ALDH9A1: variants seen among roughly 807,000 people sequenced by gnomAD.
ALDH9A1 encodes 4-trimethylaminobutyraldehyde dehydrogenase.
ALDH9A1 carries 42 observed loss-of-function variants against 56.6 expected under a neutral mutation model. That is an observed-to-expected ratio of 0.74 (90% CI 0.58 to 0.96). The LOEUF is 0.96. ALDH9A1 is among the 40% of genes least tolerant of loss of function. The probability of loss-of-function intolerance (pLI) is 0.00; values close to 1 mark genes in which losing one functional copy is unlikely to be tolerated. For synonymous variants in ALDH9A1, 242 were observed against 236.0 expected, an observed-to-expected ratio of 1.03 and a Z score of -0.23; for missense variants, 661 against 651.5, an observed-to-expected ratio of 1.01 and a Z score of -0.16.
chr1:165,687,688 T>C (rs775012279), intron 2 of ALDH9A1, among the ~76,000 whole-genome samples: 3 of 152,118 alleles, frequency 2.0e-5, no homozygotes, highest in Non-Finnish European at 2.9e-5. Context: ...AGACCTGCAC[T>C]ATAAGAAATG....
rs534472156 is a variant in ALDH9A1 at position 165,682,059 on chromosome 1, G to A, written c.592+48C>T. On this transcript the variant is annotated intron_variant, in intron 4 of 10. Coordinates refer to ENST00000354775, the MANE Select transcript of ALDH9A1 (RefSeq NM_000696.4). ...GGTAGAGAATGGGGAGAGAACGAACGAGAGAATGAACGAATGGCTCTCAAA... is the reference window on the plus strand; with the variant it reads ...GGTAGAGAATGGGGAGAGAACGAACAAGAGAATGAACGAATGGCTCTCAAA... The A allele has an allele frequency of 3.4e-4, 541 of 1,606,356 alleles. 5 individuals carry two copies. The South Asian group carries it at 5.2e-3, about 16-fold the overall frequency.
intron 10 of ALDH9A1, among the ~76,000 whole-genome samples, chr1:165,663,895 G>A (rs888118016): frequency 6.6e-6 from 1 of 152,226 alleles, no homozygotes; most frequent in Non-Finnish European, 1.5e-5. Flanking sequence ...GCCAGGTGTT[G>A]CTCTGCACGT....
chr1:165,668,864 T>C (rs1280699769), intron 8 of ALDH9A1, 62 bp downstream of exon 8: 1 of 1,268,624 alleles, frequency 7.9e-7, no homozygotes, highest in Non-Finnish European at 1.1e-6. Flanking sequence ...TTATAAATAT[T>C]CATCTCTATC....
chr1:165,698,455 G>A lies in ALDH9A1; in HGVS notation c.104C>T (p.Pro35Leu), dbSNP rs777696142. The change falls in exon 1 of 11, where the codon CCG (proline) becomes CTG (leucine). Residue 35 changes from proline (P) to leucine (L), a missense_variant. Pro to Leu is a moderately conservative substitution (Grantham distance 98). Transcript: ENST00000354775. ...GCGGGCCCCGCCGCGGTAATTGAGC[G>A]GCTGCGACACGACGAAGGTGCCAGT... The part of the protein sequence containing the change: ...MSTGTFVVSQ[P>L]LNYRGGARVE... The A allele has an allele frequency of 9.3e-6, 15 of 1,606,840 alleles. No homozygotes were observed. The South Asian group carries it at 1.4e-4, about 15-fold the overall frequency.
intron 10 of ALDH9A1, among the ~76,000 whole-genome samples, chr1:165,664,118 G>A (rs993557721): frequency 7.2e-5 from 11 of 152,032 alleles, no homozygotes; most frequent in African/African-American, 2.2e-4. Flanking sequence ...CTGTGTGTAC[G>A]ACTCCTCTGA....
chr1:165,687,920 G>A (rs1006735717), intron 2 of ALDH9A1, among the ~76,000 whole-genome samples: 13 of 151,830 alleles, frequency 8.6e-5, no homozygotes, highest in South Asian at 4.2e-4. Flanking sequence ...CCCGGGAGGC[G>A]GAGGTTGCAG....
Position 165,695,273 on chromosome 1 carries a change from C to T in ALDH9A1, c.306G>A (p.Leu102=). 6.2e-7 allele frequency: 1 copy of T among 1,610,224 alleles called. No individual in the cohort carries two copies. The highest frequency in any genetic ancestry group is 1.1e-5 in the South Asian group (1 of 90,390). The part of the protein sequence containing the change: ...KSGMERCRIL[L]EAARIIRERE... ...ATACCCTTATTATCCTGGCAGCCTC[C>T]AAAAGGATTCGGCAACGCTCCATGC... The change falls in exon 2 of 11, where the codon TTG becomes TTA. Residue 102 remains leucine, a synonymous_variant. Transcript: ENST00000354775.
intron 2 of ALDH9A1, among the ~76,000 whole-genome samples, chr1:165,687,818 T>C (rs1255501591): frequency 1.3e-5 from 2 of 151,772 alleles, no homozygotes; most frequent in East Asian, 3.9e-4. Context: ...TGAAACCCCA[T>C]CTCTACTAAA....
intron 2 of ALDH9A1, among the ~76,000 whole-genome samples, chr1:165,692,611 A>T (rs1219972889): frequency 1.3e-5 from 2 of 152,236 alleles, no homozygotes; most frequent in African/African-American, 4.8e-5. Context: ...GATAGGAAGA[A>T]TCAATATCGC....
Position 165,695,487 on chromosome 1 carries a change from C to CTTTTT in ALDH9A1, c.182-95_182-91dup, listed in dbSNP as rs34894576. ...CTATCAATATTCTCTTAGTAGTAGT[C>CTTTTT]TTTTTTTTTTTTTTTTTTTTTTTCT... On this transcript the variant is annotated intron_variant, in intron 1 of 10. Coordinates refer to ENST00000354775, the MANE Select transcript of ALDH9A1 (RefSeq NM_000696.4). 2.5e-4 allele frequency: 85 copies of CTTTTT among 338,060 alleles called. 1 individual carries two copies. Among genetic ancestry groups the CTTTTT allele is most frequent in the African/African-American group, 1.6e-3 (44 of 27,994 alleles). 20.9% of individuals were successfully genotyped at this position (338,060 alleles called of 1,614,324 possible).
intron 6 of ALDH9A1, among the ~76,000 whole-genome samples, chr1:165,678,289 G>A (rs964080555): frequency 2.0e-5 from 3 of 152,192 alleles, no homozygotes; most frequent in African/African-American, 7.2e-5. Flanking sequence ...AGCCGAGATC[G>A]TGCCACTGCA....
At chr1:165,677,299 C>A (rs532435826) in intron 6 of ALDH9A1, among the ~76,000 whole-genome samples, 1 of 152,126 alleles carries the variant, frequency 6.6e-6, no homozygotes, top group Non-Finnish European at 1.5e-5. Context: ...GCCGAGATTG[C>A]AGTGAGCCAA....
intron 1 of ALDH9A1, among the ~76,000 whole-genome samples, chr1:165,697,979 T>C (rs937067545): frequency 2.6e-5 from 4 of 152,274 alleles, no homozygotes; most frequent in South Asian, 4.2e-4. Context: ...CAGTGAGCTC[T>C]GAGATGGTGC....
chr1:165,667,542 T>C (rs899579111), intron 8 of ALDH9A1, 92 bp from the exon 9 acceptor site: 30 of 1,419,548 alleles, frequency 2.1e-5, no homozygotes, highest in Non-Finnish European at 2.7e-5. Flanking sequence ...GGTCTCACTA[T>C]GTTGCCCAGT....
rs556574394 is a variant in ALDH9A1, at chr1:165,687,144, G to A, written c.328-4034C>T. ...GAAAACAAAACACACACACACAGGG[G>A]GTGGGAGGGAAGGCTCAGAAGGAGA... On this transcript the variant is annotated intron_variant, in intron 2 of 10. Coordinates refer to ENST00000354775, the MANE Select transcript of ALDH9A1 (RefSeq NM_000696.4). 1.8e-4 allele frequency among the ~76,000 whole-genome samples: 28 copies of A among 152,108 alleles called. No homozygotes were observed. In the South Asian group the frequency reaches 5.8e-3, roughly 32 times the overall value.
At chr1:165,668,204 C>A (rs577170396) in intron 8 of ALDH9A1, among the ~76,000 whole-genome samples, 1 of 152,124 alleles carries the variant, frequency 6.6e-6, no homozygotes, top group South Asian at 2.1e-4. Context: ...GGTCTGGATG[C>A]CTTTCTCCTC....
intron 4 of ALDH9A1, 79 bp downstream of exon 4, chr1:165,682,028 G>A (rs535594035): frequency 7.7e-6 from 12 of 1,553,754 alleles, no homozygotes; most frequent in Non-Finnish European, 1.1e-5. Context: ...TTATAGAGAG[G>A]TGAAAGGTAG....
At chr1:165,696,352 T>G (rs939450585) in intron 1 of ALDH9A1, among the ~76,000 whole-genome samples, 3 of 152,244 alleles carry the variant, frequency 2.0e-5, no homozygotes, top group African/African-American at 7.2e-5. Flanking sequence ...CATTAACTTC[T>G]GATTAAGTTT....
chr1:165,664,210 C>CATAT (rs1353151063), intron 10 of ALDH9A1, among the ~76,000 whole-genome samples: 1 of 152,158 alleles, frequency 6.6e-6, no homozygotes, highest in Non-Finnish European at 1.5e-5. Context: ...TATTTGCCAA[C>CATAT]ACTGTGATGG....
Sources: gnomAD v4.1 joint callset for allele counts (sites outside exome capture counted in the v4.1 genomes callset) on GRCh38, gnomAD v4.1.1 for gene constraint, MANE v1.5 for transcripts, NCBI Gene and HGNC (gene_info 2026-07-23, HGNC 2026-07-21) for gene names.